NEDD4L: variants seen among roughly 807,000 people sequenced by gnomAD.
The protein encoded by NEDD4L is E3 ubiquitin-protein ligase NEDD4-like.
Under a neutral mutation model 148.9 loss-of-function variants are expected in NEDD4L, and 54 were observed. The observed-to-expected ratio is 0.36, with a 90% CI of 0.29 to 0.45. NEDD4L has a LOEUF of 0.45. NEDD4L is among the 20% of genes least tolerant of loss of function. NEDD4L has a pLI of 1.00. For missense variants in NEDD4L, 856 were observed against 1,233.8 expected (o/e 0.69, Z 4.59); for synonymous variants, 433 against 440.7 (o/e 0.98, Z 0.22).
At chr18:58,390,822 GC>G in intron 29 of NEDD4L, 80 bp downstream of exon 29, 1 of 980,554 alleles carries the variant, frequency 1.0e-6, no homozygotes, top group Non-Finnish European at 1.6e-6. Context: ...GAACCCTGCC[GC>G]CAGGCCTCTG....
At position 58,088,791 on chromosome 18, in the gene NEDD4L, C is replaced by T. The variant is rs546472039; in HGVS notation, c.48+44083C>T. Among the ~76,000 whole-genome samples the T allele has an allele frequency of 3.3e-5, 5 of 152,212 alleles. No homozygotes were observed. In the South Asian group the frequency reaches 8.3e-4, roughly 25 times the overall value. ...TGAGGAAGCTGAGAGTGAAATTTGT[C>T]GTTCAAGTGTGGCAGTTATGTTACT... On this transcript the variant is annotated intron_variant, in intron 1 of 30. Coordinates refer to ENST00000400345, the MANE Select transcript of NEDD4L (RefSeq NM_001144967.3).
Position 58,399,415 on chromosome 18 carries a change from TA to T in NEDD4L, c.*3149del, listed in dbSNP as rs1487354282. The T allele has an allele frequency of 5.3e-5, 8 of 152,236 alleles. No individual in the cohort carries two copies. Among genetic ancestry groups the T allele is most frequent in the Non-Finnish European group, 1.2e-4 (8 of 68,048 alleles). The allele number at this position is 152,236 out of a possible 1,614,324, so 9.4% of individuals were successfully genotyped here. A position where few individuals can be genotyped will look rare whatever the true frequency, so the allele number is the denominator to read the frequency against. The stretch of plus-strand genomic sequence containing the variant: ...TCAGAAGGTGACATCAGATATTCCC[TA>T]AATTCAGACAATGAGGGATACAGAG... On this transcript the variant is annotated 3_prime_UTR_variant, in exon 31 of 31. Coordinates refer to ENST00000400345, the MANE Select transcript of NEDD4L (RefSeq NM_001144967.3).
intron 24 of NEDD4L, among the ~76,000 whole-genome samples, chr18:58,378,013 G>C (rs975833672): frequency 1.3e-5 from 2 of 152,172 alleles, no homozygotes; most frequent in Non-Finnish European, 2.9e-5. Flanking sequence ...CCGAAGTGCT[G>C]GGCTTACAGG....
In NEDD4L at chr18:58,172,076, C is replaced by T. The variant is rs80234303; in HGVS notation, c.122+6215C>T. Among the ~76,000 whole-genome samples, 946 of 152,244 alleles carry T rather than the reference C, an allele frequency of 6.2e-3. 14 individuals carry two copies. Among genetic ancestry groups the T allele is most frequent in the African/African-American group, 0.021 (893 of 41,538 alleles). On this transcript the variant is annotated intron_variant, in intron 2 of 30. Coordinates refer to ENST00000400345, the MANE Select transcript of NEDD4L (RefSeq NM_001144967.3). Reference sequence around the variant, plus strand: ...GGATTGGGCACAGAAGGTCATGGCTCTGCACCTGACCCTCACCTTAGGGGT... The same window carrying T: ...GGATTGGGCACAGAAGGTCATGGCTTTGCACCTGACCCTCACCTTAGGGGT...
At chr18:58,225,530 G>A (rs2148012506) in intron 2 of NEDD4L, among the ~76,000 whole-genome samples, 1 of 152,328 alleles carries the variant, frequency 6.6e-6, no homozygotes, top group African/African-American at 2.4e-5. Flanking sequence ...TTTAAGAAAG[G>A]GGAGAAGTGT....
chr18:58,394,406 T>A lies in NEDD4L; in HGVS notation c.2826-1761T>A, dbSNP rs1417586371. On this transcript the variant is annotated intron_variant, in intron 30 of 30. Transcript: ENST00000400345. ...CTCAAACCTGAATAATCTGTGCACC[T>A]TTTTTAAAGGGAAAAAATGGTCACA... Among the ~76,000 whole-genome samples, 3 of 151,770 alleles carry A rather than the reference T, an allele frequency of 2.0e-5. No individual in the cohort carries two copies. The East Asian group carries it at 5.8e-4, about 29-fold the overall frequency.
intron 3 of NEDD4L, among the ~76,000 whole-genome samples, chr18:58,245,930 T>G (rs567185982): frequency 6.9e-6 from 1 of 145,612 alleles, no homozygotes; most frequent in African/African-American, 2.5e-5. Flanking sequence ...ACTCCTGACC[T>G]CAGGTGATCC....
rs532465224 is a variant in NEDD4L, at chr18:58,377,647, G to C, written c.2352+4378G>C. ...CATTCACTGCTGTGCACACATACCT[G>C]CCCCCACCGGGAGGAGGGGCCCTTT... On this transcript the variant is annotated intron_variant, in intron 24 of 30. Coordinates refer to ENST00000400345, the MANE Select transcript of NEDD4L (RefSeq NM_001144967.3). Among the ~76,000 whole-genome samples, 4 of 152,280 alleles carry C rather than the reference G, an allele frequency of 2.6e-5. No homozygotes were observed. In the South Asian group the frequency reaches 8.3e-4, roughly 32 times the overall value.
At chr18:58,291,158 A>G (rs578249453) in intron 5 of NEDD4L, among the ~76,000 whole-genome samples, 1,666 of 148,086 alleles carry the variant, frequency 0.011, 31 homozygotes, top group African/African-American at 0.039. Context: ...ACCAGCCCAC[A>G]TGGTCACACA....
intron 1 of NEDD4L, among the ~76,000 whole-genome samples, chr18:58,156,110 A>G (rs1190194793): frequency 6.6e-6 from 1 of 152,194 alleles, no homozygotes; most frequent in Non-Finnish European, 1.5e-5. Flanking sequence ...CTTGAACCAG[A>G]ACCTCTTTTA....
At chr18:58,320,502 A>G (rs1468912810) in intron 6 of NEDD4L, among the ~76,000 whole-genome samples, 2 of 152,234 alleles carry the variant, frequency 1.3e-5, no homozygotes, top group African/African-American at 4.8e-5. Context: ...TGTCGTTGAC[A>G]TAATATTGCT....
chr18:58,234,121 C>CTTTTTT (rs1555753563), intron 2 of NEDD4L, among the ~76,000 whole-genome samples: 1,594 of 27,330 alleles, frequency 0.058, 52 homozygotes, highest in African/African-American at 0.16. Flanking sequence ...CTTTTCTTTT[C>CTTTTTT]CTTCTTTTTT....
At chr18:58,101,154 C>A (rs548698470) in intron 1 of NEDD4L, among the ~76,000 whole-genome samples, 44 of 152,188 alleles carry the variant, frequency 2.9e-4, no homozygotes, top group African/African-American at 1.1e-3. Flanking sequence ...GCAATGGCTT[C>A]AAAAAATGTC....
intron 5 of NEDD4L, among the ~76,000 whole-genome samples, chr18:58,260,061 A>G (rs1299562490): frequency 1.3e-5 from 2 of 152,176 alleles, no homozygotes; most frequent in African/African-American, 4.8e-5. Flanking sequence ...TTATTTTAAA[A>G]CATAACAACA....
At chr18:58,311,770 A>G (rs1408223531) in intron 5 of NEDD4L, among the ~76,000 whole-genome samples, 1 of 152,162 alleles carries the variant, frequency 6.6e-6, no homozygotes, top group Non-Finnish European at 1.5e-5. Flanking sequence ...AGTCTTGAGT[A>G]TTTTGTGAGG....
At chr18:58,132,705 G>T (rs1168567817) in intron 1 of NEDD4L, among the ~76,000 whole-genome samples, 1 of 152,250 alleles carries the variant, frequency 6.6e-6, no homozygotes, top group African/African-American at 2.4e-5. Flanking sequence ...ACTGAGCTTA[G>T]TGGGCCTTGG....
chr18:58,351,055 C>A lies in NEDD4L; in HGVS notation c.1708+10C>A. 1.9e-6 allele frequency: 3 copies of A among 1,581,246 alleles called. No individual in the cohort carries two copies. Among genetic ancestry groups the A allele is most frequent in the South Asian group, 1.2e-5 (1 of 86,184 alleles). The stretch of plus-strand genomic sequence containing the variant: ...TTTTATATTGATCATAGTAAGTAGG[C>A]GCTGTTATGGACACACAGGTGTTGT... On this transcript the variant is annotated intron_variant, in intron 18 of 30. Coordinates refer to ENST00000400345, the MANE Select transcript of NEDD4L (RefSeq NM_001144967.3).
intron 1 of NEDD4L, among the ~76,000 whole-genome samples, chr18:58,084,696 T>TGTGTGTGTGTGC (rs1287639057): frequency 1.3e-5 from 2 of 151,520 alleles, no homozygotes; most frequent in African/African-American, 4.9e-5. Context: ...TGTGTGTGTG[T>TGTGTGTGTGTGC]GTGTGTGTGT....
At chr18:58,082,549 A>T (rs1419776592) in intron 1 of NEDD4L, among the ~76,000 whole-genome samples, 5 of 150,976 alleles carry the variant, frequency 3.3e-5, no homozygotes, top group Non-Finnish European at 7.4e-5. Context: ...AGGCAGGTGG[A>T]TCACCTGCGG....
Sources: gnomAD v4.1 joint callset for allele counts (sites outside exome capture counted in the v4.1 genomes callset) on GRCh38, gnomAD v4.1.1 for gene constraint, MANE v1.5 for transcripts, NCBI Gene and HGNC (gene_info 2026-07-23, HGNC 2026-07-21) for gene names.